UBTD1: variants seen among roughly 807,000 people sequenced by gnomAD.
The protein encoded by UBTD1 is ubiquitin domain-containing protein 1.
Under a neutral mutation model 21.7 loss-of-function variants are expected in UBTD1, and 19 were observed. The ratio of observed to expected loss-of-function variants is 0.87; its 90% CI spans 0.61 to 1.28. UBTD1 has a LOEUF of 1.28. Among genes scored for constraint, UBTD1 ranks in the 50% most tolerant of loss-of-function variants. The pLI is 0.00. For missense variants in UBTD1, 282 were observed against 315.1 expected (o/e 0.89, Z 0.80); for synonymous variants, 116 against 135.1 (o/e 0.86, Z 0.98).
chr10:97,514,135 G>A (rs1037142594), intron 1 of UBTD1, among the ~76,000 whole-genome samples: 2 of 151,948 alleles, frequency 1.3e-5, no homozygotes, highest in Non-Finnish European at 1.5e-5. Flanking sequence ...TCTTGCTCAA[G>A]GGGTGCAGAT....
chr10:97,550,324 G>A (rs2040630934), intron 1 of UBTD1, among the ~76,000 whole-genome samples: 2 of 152,128 alleles, frequency 1.3e-5, no homozygotes, highest in African/African-American at 4.8e-5. Flanking sequence ...TCCTGGCTTG[G>A]GTGGCCTGAC....
chr10:97,552,485 T>G (rs2040644406), intron 1 of UBTD1, among the ~76,000 whole-genome samples: 1 of 142,310 alleles, frequency 7.0e-6, no homozygotes, highest in Admixed American at 7.8e-5. Context: ...AACCTCCGCC[T>G]CCTCAGTTCA....
Position 97,554,612 on chromosome 10 carries a change from G to A in UBTD1, c.71-13302G>A, listed in dbSNP as rs181741174. On this transcript the variant is annotated intron_variant, in intron 1 of 2. Coordinates refer to ENST00000370664, the MANE Select transcript of UBTD1 (RefSeq NM_024954.5). ...GTCACCCAGGCTGGGGTGCAGTGGT[G>A]CAGTCATAGTTCACTGCAGCCTTGA... Among the ~76,000 whole-genome samples, 292 of 152,210 alleles carry A rather than the reference G, an allele frequency of 1.9e-3. 1 individual carries two copies. The highest frequency in any genetic ancestry group is 6.7e-3 in the African/African-American group (280 of 41,526).
At chr10:97,568,501 A>T (rs1377106039) in intron 2 of UBTD1, among the ~76,000 whole-genome samples, 1 of 151,088 alleles carries the variant, frequency 6.6e-6, no homozygotes, top group Non-Finnish European at 1.5e-5. Flanking sequence ...GGTTCACTGC[A>T]TCCTTCACCT....
At chr10:97,553,203 C>T (rs1175430343) in intron 1 of UBTD1, among the ~76,000 whole-genome samples, 1 of 152,252 alleles carries the variant, frequency 6.6e-6, no homozygotes, top group Non-Finnish European at 1.5e-5. Context: ...ATGATCTCAG[C>T]TCACTGCAAC....
In UBTD1 at chr10:97,570,700, G is replaced by T; in HGVS notation, c.*177G>T. 1.3e-6 allele frequency: 1 copy of T among 746,282 alleles called. No homozygotes were observed. The allele number at this position is 746,282 out of a possible 1,614,324, so 46.2% of individuals were successfully genotyped here. ...CGCGCCACCAGTTCCCGGTACCCAG[G>T]GAGCAGGCAGCCACACACGGGCCTT... On this transcript the variant is annotated 3_prime_UTR_variant, in exon 3 of 3. Transcript: ENST00000370664. The surrounding 1 kb of genome is among the most constrained non-coding windows in gnomAD (Gnocchi z 6.6).
chr10:97,499,091 C>T lies in UBTD1; in HGVS notation c.-113C>T. On this transcript the variant is annotated 5_prime_UTR_variant, in exon 1 of 3. Transcript: ENST00000370664. Reference sequence around the variant, plus strand: ...GCTGAGCGCGCCCCCGGGGGGAGATCGGGGAGCGCCCGATGCCGGGCGGCC... The same window carrying T: ...GCTGAGCGCGCCCCCGGGGGGAGATTGGGGAGCGCCCGATGCCGGGCGGCC... 1 of 1,246,160 alleles carries T rather than the reference C, an allele frequency of 8.0e-7. No homozygotes were observed. The highest frequency in any genetic ancestry group is 1.1e-6 in the Non-Finnish European group (1 of 922,964). 77.2% of individuals were successfully genotyped at this position (1,246,160 alleles called of 1,614,324 possible). A position where few individuals can be genotyped will look rare whatever the true frequency, so the allele number is the denominator to read the frequency against.
At chr10:97,502,648 A>G (rs1277255080) in intron 1 of UBTD1, among the ~76,000 whole-genome samples, 1 of 152,142 alleles carries the variant, frequency 6.6e-6, no homozygotes, top group Non-Finnish European at 1.5e-5. Context: ...AAAGCGAGAA[A>G]GTTATTGAGG....
At chr10:97,502,887 GTATATATATGTGTGTATATATGTA>G (rs1456540016) in intron 1 of UBTD1, among the ~76,000 whole-genome samples, 14 of 144,268 alleles carry the variant, frequency 9.7e-5, no homozygotes, top group South Asian at 4.3e-4. Context: ...ATATATATAC[GTATATATATGTGTGTATATATGTA>G]TATATATATT....
chr10:97,534,820 C>A (rs1171288693), intron 1 of UBTD1, among the ~76,000 whole-genome samples: 3 of 152,198 alleles, frequency 2.0e-5, no homozygotes, highest in African/African-American at 7.2e-5. Context: ...GGGCCACCAT[C>A]TGACCCCTGG....
intron 1 of UBTD1, among the ~76,000 whole-genome samples, chr10:97,511,775 T>A (rs1156527805): frequency 6.6e-6 from 1 of 152,106 alleles, no homozygotes; most frequent in East Asian, 1.9e-4. Flanking sequence ...ATCACTGAAA[T>A]CAGTATAATT....
chr10:97,526,925 A>G (rs1398840848), intron 1 of UBTD1, among the ~76,000 whole-genome samples: 1 of 150,802 alleles, frequency 6.6e-6, no homozygotes, highest in Non-Finnish European at 1.5e-5. Flanking sequence ...TAATCCCAGC[A>G]CTTTGGGAGG....
chr10:97,533,673 C>T (rs2040544497), intron 1 of UBTD1, among the ~76,000 whole-genome samples: 4 of 152,124 alleles, frequency 2.6e-5, no homozygotes, highest in Admixed American at 2.6e-4. Context: ...CCTGTAATCC[C>T]AGCACTTTGG....
chr10:97,543,335 C>T (rs2040594891), intron 1 of UBTD1, among the ~76,000 whole-genome samples: 2 of 152,188 alleles, frequency 1.3e-5, no homozygotes, highest in Non-Finnish European at 2.9e-5. Context: ...ATGAGTCAGG[C>T]ACAGCTGCCT....
intron 1 of UBTD1, among the ~76,000 whole-genome samples, chr10:97,543,932 T>C (rs569519233): frequency 2.2e-4 from 34 of 151,862 alleles, no homozygotes; most frequent in Non-Finnish European, 4.3e-4. Flanking sequence ...TGGTGCTGGA[T>C]GGGCCACATC....
chr10:97,509,418 C>G (rs2040412519), intron 1 of UBTD1, among the ~76,000 whole-genome samples: 1 of 152,114 alleles, frequency 6.6e-6, no homozygotes, highest in African/African-American at 2.4e-5. Context: ...AGCACAGTGC[C>G]CACACACAGC....
chr10:97,570,718 C>T lies in UBTD1; in HGVS notation c.*195C>T, dbSNP rs1276076335. ...TACCCAGGGAGCAGGCAGCCACACACGGGCCTTGCAACCTTGTCAGAGAAA... is the reference window on the plus strand; with the variant it reads ...TACCCAGGGAGCAGGCAGCCACACATGGGCCTTGCAACCTTGTCAGAGAAA... On this transcript the variant is annotated 3_prime_UTR_variant, in exon 3 of 3. Transcript: ENST00000370664. This position sits in a 1 kb window ranked among gnomAD's most constrained non-coding sequence, Gnocchi z 6.6. 1.2e-5 allele frequency: 8 copies of T among 647,868 alleles called. No homozygotes were observed. The highest frequency in any genetic ancestry group is 3.0e-5 in the Admixed American group (1 of 33,258). 40.1% of individuals were successfully genotyped at this position (647,868 alleles called of 1,614,324 possible). A position where few individuals can be genotyped will look rare whatever the true frequency, so the allele number is the denominator to read the frequency against.
At chr10:97,504,957 C>G (rs2040392175) in intron 1 of UBTD1, among the ~76,000 whole-genome samples, 2 of 152,158 alleles carry the variant, frequency 1.3e-5, no homozygotes, top group African/African-American at 4.8e-5. Context: ...AGCAGGAGGG[C>G]AAAGTGAAGC....
intron 1 of UBTD1, among the ~76,000 whole-genome samples, chr10:97,499,544 C>T (rs568698071): frequency 6.6e-6 from 1 of 152,150 alleles, no homozygotes; most frequent in East Asian, 1.9e-4. Flanking sequence ...GTTTGCAGAC[C>T]GCAGCGGGGC....
Sources: gnomAD v4.1 joint callset for allele counts (sites outside exome capture counted in the v4.1 genomes callset) on GRCh38, gnomAD v4.1.1 for gene constraint, Gnocchi (gnomAD v3.1) non-coding constraint, MANE v1.5 for transcripts, NCBI Gene and HGNC (gene_info 2026-07-23, HGNC 2026-07-21) for gene names.